EYA4: variants seen among roughly 807,000 people sequenced by gnomAD.
EYA4 encodes the protein protein phosphatase EYA4.
Under a neutral mutation model 87.9 loss-of-function variants are expected in EYA4, and 31 were observed. The ratio of observed to expected loss-of-function variants is 0.35; its 90% CI spans 0.27 to 0.48. The LOEUF (loss-of-function observed/expected upper bound fraction) is 0.48, where lower values mean the gene tolerates loss of function less well. Among genes scored for constraint, EYA4 ranks in the 20% least tolerant of loss-of-function variants. EYA4 has a pLI of 0.99. For synonymous variants in EYA4, 263 were observed against 270.6 expected (o/e 0.97, Z 0.28); for missense variants, 678 against 761.4 (o/e 0.89, Z 1.29).
rs1801043720 is a variant in EYA4 at position 133,532,106 on chromosome 6, TTTTCA to T, written c.*3306_*3310del. 6.6e-6 allele frequency: 1 copy of T among 152,226 alleles called. No individual in the cohort carries two copies. The highest frequency in any genetic ancestry group is 2.4e-5 in the African/African-American group (1 of 41,470). 9.4% of individuals were successfully genotyped at this position (152,226 alleles called of 1,614,324 possible). On this transcript the variant is annotated 3_prime_UTR_variant, in exon 20 of 20. Coordinates refer to ENST00000355286, the MANE Select transcript of EYA4 (RefSeq NM_004100.5). The stretch of plus-strand genomic sequence containing the variant: ...TTCTCAATAAATACCTTTGCAATTG[TTTTCA>T]TTTCCTTCACCCTCCCATGTTGTAG...
intron 2 of EYA4, among the ~76,000 whole-genome samples, chr6:133,368,519 C>A (rs1267659948): frequency 6.6e-6 from 1 of 152,172 alleles, no homozygotes; most frequent in Non-Finnish European, 1.5e-5. Context: ...TTCAGTTGAA[C>A]TTTAAAAATA....
chr6:133,295,798 TAAAC>T (rs1264677650), intron 2 of EYA4, among the ~76,000 whole-genome samples: 1 of 152,218 alleles, frequency 6.6e-6, no homozygotes, highest in African/African-American at 2.4e-5. Context: ...ATGGATGTAT[TAAAC>T]AAAGATTAAT....
intron 2 of EYA4, among the ~76,000 whole-genome samples, chr6:133,368,854 C>A (rs984917449): frequency 1.3e-5 from 2 of 152,288 alleles, no homozygotes; most frequent in South Asian, 2.1e-4. Context: ...GCCATTGGGG[C>A]GTCTGTGTGC....
chr6:133,311,394 C>T (rs1006981872), intron 2 of EYA4, among the ~76,000 whole-genome samples: 8 of 151,990 alleles, frequency 5.3e-5, no homozygotes, highest in South Asian at 2.1e-4. Flanking sequence ...GATGCGATCA[C>T]GGCTCACTGC....
At chr6:133,340,821 C>G (rs1782725590) in intron 2 of EYA4, among the ~76,000 whole-genome samples, 1 of 152,090 alleles carries the variant, frequency 6.6e-6, no homozygotes, top group Non-Finnish European at 1.5e-5. Context: ...GACTGCTGAT[C>G]TAACTTTTCG....
At chr6:133,522,926 A>T (rs772297473) in intron 17 of EYA4, 130 bp from the exon 18 acceptor site, 1 of 733,228 alleles carries the variant, frequency 1.4e-6, no homozygotes, top group Non-Finnish European at 2.4e-6. Flanking sequence ...CTGTCTGCTG[A>T]TAGGCAATAG....
intron 10 of EYA4, among the ~76,000 whole-genome samples, chr6:133,468,159 C>G (rs1562456565): frequency 6.6e-6 from 1 of 152,018 alleles, no homozygotes; most frequent in Admixed American, 6.6e-5. Flanking sequence ...CTAGGAGGGG[C>G]AGCCCCAACT....
At chr6:133,278,572 T>C (rs915419156) in intron 2 of EYA4, among the ~76,000 whole-genome samples, 7 of 152,190 alleles carry the variant, frequency 4.6e-5, no homozygotes, top group African/African-American at 1.7e-4. Context: ...GCCTGACAAA[T>C]TTTAGAAAGC....
rs530704439 is a variant in EYA4, at chr6:133,354,391, C to T, written c.34-28001C>T. ...TGGTGACATTGTTGAAAAGTCATAG[C>T]AATAATAATTGTCCTATTAGTAATA... On this transcript the variant is annotated intron_variant, in intron 2 of 19. Transcript: ENST00000355286. Among the ~76,000 whole-genome samples, 535 of 152,028 alleles carry T rather than the reference C, an allele frequency of 3.5e-3. 4 individuals are homozygous for T. The highest frequency in any genetic ancestry group is 0.012 in the African/African-American group (487 of 41,486).
intron 2 of EYA4, among the ~76,000 whole-genome samples, chr6:133,325,584 G>A (rs932433001): frequency 1.3e-5 from 2 of 152,156 alleles, no homozygotes; most frequent in Non-Finnish European, 2.9e-5. Flanking sequence ...CATCAAGATT[G>A]ACTTTATGAC....
chr6:133,320,266 G>A (rs1780979546), intron 2 of EYA4, among the ~76,000 whole-genome samples: 1 of 151,292 alleles, frequency 6.6e-6, no homozygotes, highest in Non-Finnish European at 1.5e-5. Flanking sequence ...TTTCTTTAGG[G>A]ATCACTCTTC....
rs1202413338 is a variant in EYA4 at position 133,521,098 on chromosome 6, GAC to G, written c.1617-1956_1617-1955del. 3.8e-3 allele frequency among the ~76,000 whole-genome samples: 576 copies of G among 150,656 alleles called. 2 individuals are homozygous for G. The highest frequency in any genetic ancestry group is 5.4e-3 in the Admixed American group (82 of 15,162). ...AACACCAAAAGCAATGGCAACAAAA[GAC>G]AAAATTGACAAATGGGATCTAATTA... On this transcript the variant is annotated intron_variant, in intron 17 of 19. Coordinates refer to ENST00000355286, the MANE Select transcript of EYA4 (RefSeq NM_004100.5).
At chr6:133,365,003 C>T (rs915269719) in intron 2 of EYA4, among the ~76,000 whole-genome samples, 9 of 152,104 alleles carry the variant, frequency 5.9e-5, no homozygotes, top group Non-Finnish European at 1.2e-4. Context: ...AGGATATCAT[C>T]CTGACCATTT....
At chr6:133,524,538 G>C (rs1800460978) in intron 18 of EYA4, among the ~76,000 whole-genome samples, 1 of 152,150 alleles carries the variant, frequency 6.6e-6, no homozygotes, top group Non-Finnish European at 1.5e-5. Flanking sequence ...AGCACCCTTA[G>C]CAGAAGTTAT....
At chr6:133,451,115 C>A (rs563029727) in intron 5 of EYA4, among the ~76,000 whole-genome samples, 1 of 152,152 alleles carries the variant, frequency 6.6e-6, no homozygotes, top group African/African-American at 2.4e-5. Context: ...CTATTTAGCT[C>A]TGCTATTGTT....
intron 2 of EYA4, among the ~76,000 whole-genome samples, chr6:133,367,328 T>C (rs1784928785): frequency 6.6e-6 from 1 of 152,192 alleles, no homozygotes. Flanking sequence ...CTAAGAGTTA[T>C]GGAGAGGGAG....
intron 2 of EYA4, among the ~76,000 whole-genome samples, chr6:133,369,294 CATT>C (rs1277191368): frequency 6.6e-6 from 1 of 152,058 alleles, no homozygotes; most frequent in Non-Finnish European, 1.5e-5. Context: ...AGATTACTCA[CATT>C]ATCCTTATCT....
chr6:133,251,362 GC>G (rs1369411361), intron 1 of EYA4, among the ~76,000 whole-genome samples: 1 of 151,996 alleles, frequency 6.6e-6, no homozygotes, highest in Non-Finnish European at 1.5e-5. Flanking sequence ...TTTACATATT[GC>G]TATGATTCTT....
intron 1 of EYA4, among the ~76,000 whole-genome samples, chr6:133,265,569 A>G (rs1776150582): frequency 6.6e-6 from 1 of 152,296 alleles, no homozygotes; most frequent in East Asian, 1.9e-4. Context: ...TATGATGTAA[A>G]ATAATACTGT....
Sources: allele counts gnomAD v4.1 joint callset (sites outside exome capture counted in the v4.1 genomes callset), GRCh38; gene constraint gnomAD v4.1.1; transcripts MANE v1.5; gene names NCBI Gene and HGNC (gene_info 2026-07-23, HGNC 2026-07-21).